The following UTRN variants were observed in gnomAD, a reference collection of about 807,000 sequenced individuals.
The protein encoded by UTRN is dystrophin-related protein 1.
A neutral mutation model predicts 463.9 loss-of-function variants in UTRN; 283 were observed. The ratio of observed to expected loss-of-function variants is 0.61; its 90% CI spans 0.55 to 0.67. The LOEUF is 0.67. Ranked by LOEUF, UTRN falls within the 30% of genes least tolerant of loss-of-function variation. The pLI is 0.00. For synonymous variants in UTRN, 1,442 were observed against 1,431.5 expected (o/e 1.01, Z -0.17); for missense variants, 3,922 against 4,084.3 (o/e 0.96, Z 1.08).
chr6:144,321,337 A>T (rs2114583005), intron 2 of UTRN, among the ~76,000 whole-genome samples: 1 of 152,278 alleles, frequency 6.6e-6, no homozygotes, highest in South Asian at 2.1e-4. Context: ...ACCCTATAAA[A>T]GAGGCACTTC....
intron 58 of UTRN, among the ~76,000 whole-genome samples, chr6:144,767,883 A>G (rs1442650043): frequency 6.6e-6 from 1 of 152,196 alleles, no homozygotes; most frequent in Non-Finnish European, 1.5e-5. Context: ...ATGATATATA[A>G]CAAACCTCAC....
intron 2 of UTRN, among the ~76,000 whole-genome samples, chr6:144,347,628 G>C (rs1777695556): frequency 6.6e-6 from 1 of 152,186 alleles, no homozygotes; most frequent in African/African-American, 2.4e-5. Context: ...AAAGGTCACA[G>C]GGGAACAGGT....
chr6:144,836,240 G>C, intron 70 of UTRN, 61 bp from the exon 71 acceptor site: 1 of 1,602,516 alleles, frequency 6.2e-7, no homozygotes, highest in African/African-American at 1.3e-5. Flanking sequence ...CCTCACAGAC[G>C]ATTTTGGAGA....
intron 60 of UTRN, among the ~76,000 whole-genome samples, chr6:144,778,604 G>A (rs1328518954): frequency 6.8e-6 from 1 of 145,988 alleles, no homozygotes. Context: ...TAGGGGAAAT[G>A]CTAATAATAA....
intron 60 of UTRN, among the ~76,000 whole-genome samples, chr6:144,779,059 A>T (rs1586533634): frequency 6.6e-6 from 1 of 152,230 alleles, no homozygotes; most frequent in East Asian, 1.9e-4. Flanking sequence ...TCACAGCTAC[A>T]GAGTGTATAA....
At chr6:144,741,325 A>G (rs1790046688) in intron 54 of UTRN, among the ~76,000 whole-genome samples, 1 of 152,202 alleles carries the variant, frequency 6.6e-6, no homozygotes, top group African/African-American at 2.4e-5. Flanking sequence ...ATGGGCAGTC[A>G]TGTGGCAAGA....
chr6:144,389,711 G>A lies in UTRN; in HGVS notation c.80-13412G>A, dbSNP rs78631927. Among the ~76,000 whole-genome samples, 327 of 151,964 alleles carry A rather than the reference G, an allele frequency of 2.2e-3. 1 individual carries two copies. Among genetic ancestry groups the A allele is most frequent in the Middle Eastern group, 0.014 (4 of 294 alleles). ...TCTCCCAGGTTCAAGCGATTCTCCCGCCTCAGCCTCCTGAGTAGCTGGGAT... is the reference window on the plus strand; with the variant it reads ...TCTCCCAGGTTCAAGCGATTCTCCCACCTCAGCCTCCTGAGTAGCTGGGAT... On this transcript the variant is annotated intron_variant, in intron 2 of 74. Transcript: ENST00000367545.
In UTRN at chr6:144,836,173, A is replaced by G. The variant is rs1452219395; in HGVS notation, c.9825-128A>G. 2.1e-6 allele frequency: 3 copies of G among 1,427,714 alleles called. No homozygotes were observed. In the East Asian group the frequency reaches 6.8e-5, roughly 32 times the overall value. The allele number at this position is 1,427,714 out of a possible 1,614,324, so 88.4% of individuals were successfully genotyped here. Reference sequence around the variant, plus strand: ...ACTACAATTTTATTCCTGCATGCTCATCCTGCTATTAATACACATTTTTAT... The same window carrying G: ...ACTACAATTTTATTCCTGCATGCTCGTCCTGCTATTAATACACATTTTTAT... On this transcript the variant is annotated intron_variant, in intron 70 of 74. Transcript: ENST00000367545.
chr6:144,487,327 A>G (rs1395954101), intron 28 of UTRN, among the ~76,000 whole-genome samples: 1 of 152,084 alleles, frequency 6.6e-6, no homozygotes, highest in Admixed American at 6.5e-5. Flanking sequence ...TTGTGAAATT[A>G]TATCATATAT....
chr6:144,287,859 A>T (rs112893034), intron 1 of UTRN, among the ~76,000 whole-genome samples: 2 of 152,344 alleles, frequency 1.3e-5, no homozygotes, highest in African/African-American at 4.8e-5. Flanking sequence ...AGGTAACAAT[A>T]AATTGCATTT....
At chr6:144,531,470 A>C (rs1562533297) in intron 42 of UTRN, among the ~76,000 whole-genome samples, 1 of 152,232 alleles carries the variant, frequency 6.6e-6, no homozygotes, top group Non-Finnish European at 1.5e-5. Context: ...TTTTATATTT[A>C]GAATAAAATT....
intron 2 of UTRN, among the ~76,000 whole-genome samples, chr6:144,351,774 C>T (rs1483363127): frequency 1.3e-5 from 2 of 152,120 alleles, no homozygotes; most frequent in Non-Finnish European, 1.5e-5. Flanking sequence ...AGTTGAATGC[C>T]GCTGATCCAA....
intron 54 of UTRN, among the ~76,000 whole-genome samples, chr6:144,741,335 A>G (rs1790048523): frequency 6.6e-6 from 1 of 152,204 alleles, no homozygotes; most frequent in African/African-American, 2.4e-5. Flanking sequence ...ATGTGGCAAG[A>G]AATAAAAGAC....
intron 58 of UTRN, among the ~76,000 whole-genome samples, chr6:144,765,450 G>C (rs1793194543): frequency 6.6e-6 from 1 of 152,144 alleles, no homozygotes; most frequent in Admixed American, 6.5e-5. Flanking sequence ...GTCTCACTCT[G>C]TTGCCCAGGC....
intron 37 of UTRN, 41 bp downstream of exon 37, chr6:144,514,861 G>A: frequency 1.5e-5 from 23 of 1,579,200 alleles, no homozygotes; most frequent in Non-Finnish European, 2.0e-5. Context: ...TTTTCCTATG[G>A]GTATGTATCT....
intron 50 of UTRN, among the ~76,000 whole-genome samples, chr6:144,573,148 G>C (rs565682198): frequency 6.6e-6 from 1 of 152,144 alleles, no homozygotes; most frequent in South Asian, 2.1e-4. Context: ...CTGTTTGTTG[G>C]CCGCATAAAT....
chr6:144,347,698 G>GT (rs1777702735), intron 2 of UTRN, among the ~76,000 whole-genome samples: 2 of 152,094 alleles, frequency 1.3e-5, no homozygotes, highest in South Asian at 4.2e-4. Flanking sequence ...CAGGGCAGTG[G>GT]TGTCCTTATG....
chr6:144,852,962 C>A lies in UTRN; in HGVS notation c.*1965C>A, dbSNP rs10192. 47,094 of 152,222 alleles carry A rather than the reference C, an allele frequency of 0.31. 8,622 individuals are homozygous for A. Among genetic ancestry groups the A allele is most frequent in the East Asian group, 0.72 (3,702 of 5,170 alleles). The allele number at this position is 152,222 out of a possible 1,614,324, so 9.4% of individuals were successfully genotyped here. On this transcript the variant is annotated 3_prime_UTR_variant, in exon 75 of 75. Transcript: ENST00000367545. Reference sequence around the variant, plus strand: ...TTCTTTTGAAATATGTGGTAAAGAACTAATCACAGACTATCATCTAATCTG... The same window carrying A: ...TTCTTTTGAAATATGTGGTAAAGAAATAATCACAGACTATCATCTAATCTG...
In UTRN at chr6:144,447,696, C is replaced by T. The variant is rs569504052; in HGVS notation, c.1817C>T (p.Ala606Val). Residue 606 changes from alanine to valine, a missense_variant, in exon 16 of 75, where the codon GCA becomes GTA. This residue lies in a region of UTRN where 2,349 missense variants were observed against 2,303.8 expected (regional missense o/e 1.02). Coordinates refer to ENST00000367545, the MANE Select transcript of UTRN (RefSeq NM_007124.3). ...DVGQLLDNSKASKKINSDSEE... is the reference protein window; with the variant it reads ...DVGQLLDNSKVSKKINSDSEE... ...GGACAATTACTTGATAATTCCAAGG[C>T]ATCTAAGAAGATCAACAGTGACTCA... 4.3e-6 allele frequency: 7 copies of T among 1,614,014 alleles called. No individual in the cohort carries two copies. The East Asian group carries it at 6.7e-5, about 15-fold the overall frequency.
Sources: gnomAD v4.1 joint callset for allele counts (sites outside exome capture counted in the v4.1 genomes callset) on GRCh38, gnomAD v4.1.1 for gene constraint, gnomAD v4.1.1 regional missense constraint, MANE v1.5 for transcripts, NCBI Gene and HGNC (gene_info 2026-07-23, HGNC 2026-07-21) for gene names.